Variants in HERC3 observed in about 807,000 individuals in gnomAD.
The protein encoded by HERC3 is probable E3 ubiquitin-protein ligase HERC3.
A neutral mutation model predicts 129.9 loss-of-function variants in HERC3; 58 were observed. The observed-to-expected ratio is 0.45, with a 90% CI of 0.36 to 0.56. The LOEUF is 0.56. Ranked by LOEUF, HERC3 falls within the 20% of genes least tolerant of loss-of-function variation. HERC3 has a pLI of 0.00. For missense variants in HERC3, 835 were observed against 1,244.2 expected (o/e 0.67, Z 4.95); for synonymous variants, 430 against 451.0 (o/e 0.95, Z 0.59).
intron 3 of HERC3, among the ~76,000 whole-genome samples, chr4:88,609,657 A>C (rs916811807): frequency 3.3e-5 from 5 of 152,198 alleles, no homozygotes; most frequent in African/African-American, 1.2e-4. Flanking sequence ...AAGGGGATTC[A>C]CATGATAAAG....
chr4:88,678,956 TCTTA>T (rs1466563486), intron 19 of HERC3, among the ~76,000 whole-genome samples: 1 of 152,218 alleles, frequency 6.6e-6, no homozygotes, highest in African/African-American at 2.4e-5. Flanking sequence ...GTGAGGCAGT[TCTTA>T]CTTTGTAGCA....
intron 23 of HERC3, among the ~76,000 whole-genome samples, chr4:88,699,547 A>G (rs1735135963): frequency 6.6e-6 from 1 of 150,752 alleles, no homozygotes; most frequent in South Asian, 2.1e-4. Flanking sequence ...GAGATTAGGA[A>G]TGATGTTTCT....
chr4:88,555,726 A>G, the HERC3 span, among the ~76,000 whole-genome samples: 1 of 152,244 alleles, frequency 6.6e-6, no homozygotes, highest in Non-Finnish European at 1.5e-5. Flanking sequence ...TTGTATGACA[A>G]TGGTTGCTGA....
chr4:88,664,292 G>T (rs1321039894), intron 12 of HERC3, 80 bp downstream of exon 12: 3 of 1,208,974 alleles, frequency 2.5e-6, no homozygotes. Flanking sequence ...CAGGAGGATT[G>T]CTTGAGTTTA....
the HERC3 span, among the ~76,000 whole-genome samples, chr4:88,583,098 T>C: frequency 6.6e-6 from 1 of 152,178 alleles, no homozygotes. Flanking sequence ...ACATGAAGTT[T>C]TACCTGAACA....
chr4:88,612,327 G>GTGTGTGTGT (rs1560675020), intron 3 of HERC3, among the ~76,000 whole-genome samples: 15 of 149,684 alleles, frequency 1.0e-4, no homozygotes, highest in South Asian at 4.2e-4. Context: ...GTGTGTGTGT[G>GTGTGTGTGT]GTAAGAAGGA....
At chr4:88,526,684 T>A in the HERC3 span, among the ~76,000 whole-genome samples, 4 of 152,032 alleles carry the variant, frequency 2.6e-5, no homozygotes, top group African/African-American at 7.3e-5. Context: ...TACAGGTGCA[T>A]GCCACCACAC....
chr4:88,650,297 G>A (rs11947594), intron 4 of HERC3, among the ~76,000 whole-genome samples: 21,337 of 152,120 alleles, frequency 0.14, 1,682 homozygotes, highest in East Asian at 0.2. Flanking sequence ...CTTTCACATC[G>A]TAGGCTTATT....
At chr4:88,613,690 T>C (rs973508131) in intron 3 of HERC3, among the ~76,000 whole-genome samples, 12 of 152,232 alleles carry the variant, frequency 7.9e-5, no homozygotes, top group African/African-American at 2.9e-4. Flanking sequence ...TCTATGGGCA[T>C]AACGCTGATA....
chr4:88,622,473 T>A (rs1237462447), intron 3 of HERC3, among the ~76,000 whole-genome samples: 2 of 128,584 alleles, frequency 1.6e-5, no homozygotes, highest in South Asian at 7.0e-4. Flanking sequence ...TGTGGACACA[T>A]GTTTTCATTT....
At chr4:88,656,690 T>C (rs906323664) in intron 9 of HERC3, 3 of 152,274 alleles carry the variant, frequency 2.0e-5, no homozygotes, top group African/African-American at 7.2e-5. Context: ...CCACAGACCT[T>C]GGTGGTGGTG....
In HERC3 at chr4:88,649,829, G is replaced by A; in HGVS notation, c.227-11G>A. 1 of 1,611,426 alleles carries A rather than the reference G, an allele frequency of 6.2e-7. No individual in the cohort carries two copies. ...GTTGTACATTTTCCTCCTCCAATTT[G>A]TCTCTTTCAGAACAAATTGGAGCTC... On this transcript the variant is annotated splice_polypyrimidine_tract_variant and intron_variant, in intron 3 of 25. Transcript: ENST00000402738.
the HERC3 span, among the ~76,000 whole-genome samples, chr4:88,586,903 A>C: frequency 6.6e-6 from 1 of 152,228 alleles, no homozygotes; most frequent in African/African-American, 2.4e-5. Flanking sequence ...GTTAAAATGA[A>C]CCTTGAGGTT....
chr4:88,700,154 T>C (rs1438009905), intron 23 of HERC3, among the ~76,000 whole-genome samples: 1 of 151,894 alleles, frequency 6.6e-6, no homozygotes, highest in Non-Finnish European at 1.5e-5. Flanking sequence ...ATTAGTAAAT[T>C]TATTTTTTAT....
chr4:88,636,652 T>C (rs1727440243), intron 3 of HERC3, among the ~76,000 whole-genome samples: 1 of 152,186 alleles, frequency 6.6e-6, no homozygotes, highest in East Asian at 1.9e-4. Context: ...CTAATAGATA[T>C]CTACAGAGCT....
chr4:88,540,530 T>A, the HERC3 span, among the ~76,000 whole-genome samples: 2 of 152,216 alleles, frequency 1.3e-5, no homozygotes, highest in Non-Finnish European at 2.9e-5. Context: ...CTTCAGGATA[T>A]TATCAAGGAG....
chr4:88,595,223 AT>A (rs780092329), intron 1 of HERC3, among the ~76,000 whole-genome samples: 25 of 152,104 alleles, frequency 1.6e-4, no homozygotes, highest in Admixed American at 3.3e-4. Context: ...AAATTTAATT[AT>A]TTTCCAAAAT....
chr4:88,679,807 C>T (rs889892880), intron 19 of HERC3, among the ~76,000 whole-genome samples: 5 of 152,150 alleles, frequency 3.3e-5, no homozygotes, highest in South Asian at 4.1e-4. Context: ...CGTGAGCCAC[C>T]ACGCCCAGCC....
At chr4:88,583,360 C>A in the HERC3 span, among the ~76,000 whole-genome samples, 1 of 151,444 alleles carries the variant, frequency 6.6e-6, no homozygotes, top group Non-Finnish European at 1.5e-5. Flanking sequence ...TGCTTGAACC[C>A]AGGAGGTGGA....
Sources: allele counts gnomAD v4.1 joint callset (sites outside exome capture counted in the v4.1 genomes callset), GRCh38; gene constraint gnomAD v4.1.1; transcripts MANE v1.5; gene names NCBI Gene and HGNC (gene_info 2026-07-23, HGNC 2026-07-21).